RBM20: variants seen among roughly 807,000 people sequenced by gnomAD.
The protein encoded by RBM20 is RNA binding motif protein 20.
Under a neutral mutation model 110.1 loss-of-function variants are expected in RBM20, and 51 were observed. The ratio of observed to expected loss-of-function variants is 0.46; its 90% CI spans 0.37 to 0.59. The LOEUF (loss-of-function observed/expected upper bound fraction) is 0.59. Among genes scored for constraint, RBM20 ranks in the 20% least tolerant of loss-of-function variants. RBM20 has a pLI of 0.00. For synonymous variants in RBM20, 589 were observed against 618.2 expected (o/e 0.95, Z 0.70); for missense variants, 1,512 against 1,574.9 (o/e 0.96, Z 0.68).
At chr10:110,751,855 T>G (rs1843857788) in intron 1 of RBM20, among the ~76,000 whole-genome samples, 1 of 152,194 alleles carries the variant, frequency 6.6e-6, no homozygotes, top group Non-Finnish European at 1.5e-5. Context: ...GCAGATCCTC[T>G]GCTCAGGCAC....
chr10:110,798,727 A>G (rs1163955670), intron 6 of RBM20, among the ~76,000 whole-genome samples: 2 of 152,314 alleles, frequency 1.3e-5, no homozygotes, highest in East Asian at 3.9e-4. Flanking sequence ...GAAGGAAGAG[A>G]ATGAGCTTGT....
chr10:110,694,524 CT>C (rs1862633060), intron 1 of RBM20, among the ~76,000 whole-genome samples: 2 of 152,254 alleles, frequency 1.3e-5, no homozygotes, highest in Admixed American at 1.3e-4. Flanking sequence ...CTGATATTCT[CT>C]CCACAGAAGA....
At chr10:110,733,895 A>G (rs1473762531) in intron 1 of RBM20, among the ~76,000 whole-genome samples, 1 of 152,230 alleles carries the variant, frequency 6.6e-6, no homozygotes. Flanking sequence ...AGAGATGCTG[A>G]CACGTGACTT....
chr10:110,648,570 T>A (rs1201092420), intron 1 of RBM20, among the ~76,000 whole-genome samples: 1 of 152,226 alleles, frequency 6.6e-6, no homozygotes, highest in Non-Finnish European at 1.5e-5. Context: ...AACATCAGTT[T>A]GAGCCCAATT....
At chr10:110,827,211 A>G (rs577637052) in intron 12 of RBM20, among the ~76,000 whole-genome samples, 1 of 152,150 alleles carries the variant, frequency 6.6e-6, no homozygotes, top group East Asian at 1.9e-4. Context: ...TGTCTCTGCA[A>G]AAAAATAAAA....
In RBM20 at chr10:110,644,371, G is replaced by C. The variant is rs1164772014; in HGVS notation, c.-84G>C. The C allele has an allele frequency of 5.2e-6, 6 of 1,150,024 alleles. No individual in the cohort carries two copies. The African/African-American group carries it at 9.8e-5, about 19-fold the overall frequency. 71.2% of individuals were successfully genotyped at this position (1,150,024 alleles called of 1,614,324 possible). On this transcript the variant is annotated 5_prime_UTR_variant, in exon 1 of 14. Coordinates refer to ENST00000369519, the MANE Select transcript of RBM20 (RefSeq NM_001134363.3). This position sits in a 1 kb window ranked among gnomAD's most constrained non-coding sequence, Gnocchi z 4.3. Reference sequence around the variant, plus strand: ...GAAGGACAAGGGGACTGGGCACGGGGACCCCGGCCAGTGAGCGCCCGTGGC... The same window carrying C: ...GAAGGACAAGGGGACTGGGCACGGGCACCCCGGCCAGTGAGCGCCCGTGGC...
rs1341280413 is a variant in RBM20 at position 110,784,794 on chromosome 10, T to A, written c.1432T>A (p.Tyr478Asn). The change falls in exon 5 of 14, where the codon TAT becomes AAT. Residue 478 changes from tyrosine to asparagine, a missense_variant and splice_region_variant. Physicochemically the swap from Tyr to Asn is moderately radical, Grantham distance 143. Transcript: ENST00000369519. ...ACTTTGTGTAATTCATCATTTAGAT[T>A]ATGCCTCAAATCTTGGAACATCATA... ...AVYNPAGNED[Y>N]ASNLGTSYVP... 1 of 1,540,764 alleles carries A rather than the reference T, an allele frequency of 6.5e-7. No individual in the cohort carries two copies. The highest frequency in any genetic ancestry group is 2.0e-5 in the Admixed American group (1 of 51,006).
chr10:110,788,633 CTTGAGGAAAA>C (rs1173790277), intron 5 of RBM20, among the ~76,000 whole-genome samples: 1 of 152,204 alleles, frequency 6.6e-6, no homozygotes, highest in African/African-American at 2.4e-5. Context: ...GTGTATCTGT[CTTGAGGAAAA>C]CCTGAAATGC....
chr10:110,711,393 C>T (rs1862926801), intron 1 of RBM20, among the ~76,000 whole-genome samples: 1 of 149,410 alleles, frequency 6.7e-6, no homozygotes, highest in Admixed American at 6.7e-5. Flanking sequence ...AAGGACAGGC[C>T]ACTGCCACCT....
Position 110,725,739 on chromosome 10 carries a change from A to G in RBM20, c.192-55062A>G, listed in dbSNP as rs114660576. On this transcript the variant is annotated intron_variant, in intron 1 of 13. Transcript: ENST00000369519. The stretch of plus-strand genomic sequence containing the variant: ...TATTTCAGGGGCTGCAGAGCTCACA[A>G]AGCTATTGCGGGGAGGCAGCGTTAA... Among the ~76,000 whole-genome samples, 1,330 of 152,322 alleles carry G rather than the reference A, an allele frequency of 8.7e-3. 24 individuals are homozygous for G. The highest frequency in any genetic ancestry group is 0.03 in the African/African-American group (1,252 of 41,558).
rs1266130657 is a variant in RBM20 at position 110,812,501 on chromosome 10, G to T, written c.2104G>T (p.Asp702Tyr). 1 of 1,551,684 alleles carries T rather than the reference G, an allele frequency of 6.4e-7. No individual in the cohort carries two copies. ...GAGGGACAACGGAGATGACAAGAGG[G>T]ACAGGATGGACCCCTGGGCACATGA... ...PWRDNGDDKR[D>Y]RMDPWAHDRK... Residue 702 changes from aspartate (D) to tyrosine (Y), a missense_variant, in exon 9 of 14, where the codon GAC (aspartate) becomes TAC (tyrosine). Physicochemically the swap from Asp to Tyr is radical, Grantham distance 160. Transcript: ENST00000369519.
At chr10:110,698,833 A>T (rs1051912586) in intron 1 of RBM20, among the ~76,000 whole-genome samples, 3 of 152,162 alleles carry the variant, frequency 2.0e-5, no homozygotes, top group African/African-American at 7.2e-5. Context: ...GAGGATGGTG[A>T]CCTTTCAGTG....
At chr10:110,834,686 G>A (rs950993895) in intron 13 of RBM20, among the ~76,000 whole-genome samples, 1 of 152,070 alleles carries the variant, frequency 6.6e-6, no homozygotes, top group African/African-American at 2.4e-5. Context: ...TTGATAACTC[G>A]CCTGCTGAGG....
rs1223616704 is a variant in RBM20 at position 110,837,341 on chromosome 10, G to C, written c.*1363G>C. The C allele has an allele frequency of 6.6e-6, 1 of 152,236 alleles. No individual in the cohort carries two copies. Among genetic ancestry groups the C allele is most frequent in the African/African-American group, 2.4e-5 (1 of 41,446 alleles). 9.4% of individuals were successfully genotyped at this position (152,236 alleles called of 1,614,324 possible). On this transcript the variant is annotated 3_prime_UTR_variant, in exon 14 of 14. Coordinates refer to ENST00000369519, the MANE Select transcript of RBM20 (RefSeq NM_001134363.3). ...TGAAAGGGTGTGGGATAAAGGTGCT[G>C]GGGGAAATGAGGCTCTGCCACAGCC... is the stretch of plus-strand genomic sequence containing the variant.
intron 1 of RBM20, among the ~76,000 whole-genome samples, chr10:110,753,590 T>C (rs1049383278): frequency 6.6e-6 from 1 of 152,200 alleles, no homozygotes; most frequent in Non-Finnish European, 1.5e-5. Flanking sequence ...TGGATTTCAC[T>C]TCACTGTGGC....
intron 1 of RBM20, among the ~76,000 whole-genome samples, chr10:110,695,682 T>C (rs754562727): frequency 4.6e-5 from 7 of 152,252 alleles, no homozygotes; most frequent in Non-Finnish European, 1.0e-4. Context: ...TCACACACTT[T>C]GTTCTCAGAG....
chr10:110,702,651 C>A (rs145376013), intron 1 of RBM20, among the ~76,000 whole-genome samples: 1 of 152,302 alleles, frequency 6.6e-6, no homozygotes, highest in Admixed American at 6.5e-5. Flanking sequence ...GAACTGCTGT[C>A]GGAATTCAGG....
intron 1 of RBM20, among the ~76,000 whole-genome samples, chr10:110,717,611 G>A (rs556157619): frequency 3.3e-5 from 5 of 152,292 alleles, no homozygotes; most frequent in Admixed American, 6.5e-5. Flanking sequence ...CACCCCTGCC[G>A]TTGACTGGTT....
rs1279321225 is a variant in RBM20 at position 110,821,419 on chromosome 10, C to T, written c.2800C>T (p.Pro934Ser). Residue 934 changes from proline (P) to serine (S), a missense_variant, in exon 11 of 14, where the codon CCC becomes TCC. Pro to Ser is a moderately conservative substitution (Grantham distance 74). Around this residue, in one of 3 missense-constraint regions of RBM20, gnomAD observed 358 missense variants for 384.2 expected, o/e 0.93. Coordinates refer to ENST00000369519, the MANE Select transcript of RBM20 (RefSeq NM_001134363.3). ...CATCCCAGAGCTGGAAGAAATTGTG[C>T]CCATTGACCAGAAAGACAAAATTTG... ...PDIPELEEIV[P>S]IDQKDKICPE... 3 of 1,551,722 alleles carry T rather than the reference C, an allele frequency of 1.9e-6. No individual in the cohort carries two copies. Among genetic ancestry groups the T allele is most frequent in the Admixed American group, 2.0e-5 (1 of 51,002 alleles).
Sources: gnomAD v4.1 joint callset for allele counts (sites outside exome capture counted in the v4.1 genomes callset) on GRCh38, gnomAD v4.1.1 for gene constraint, gnomAD v4.1.1 regional missense constraint, Gnocchi (gnomAD v3.1) non-coding constraint, MANE v1.5 for transcripts, NCBI Gene and HGNC (gene_info 2026-07-23, HGNC 2026-07-21) for gene names.